The following PIP4K2C variants were observed in gnomAD, a reference collection of about 807,000 sequenced individuals.
PIP4K2C encodes phosphatidylinositol 5-phosphate 4-kinase type-2 gamma.
PIP4K2C carries 21 observed loss-of-function variants against 45.0 expected under a neutral mutation model. That is an observed-to-expected ratio of 0.47 (90% CI 0.33 to 0.67). The LOEUF is 0.67. PIP4K2C is among the 30% of genes least tolerant of loss of function. The probability of loss-of-function intolerance (pLI) is 0.02; values close to 1 mark genes in which losing one functional copy is unlikely to be tolerated. For missense variants in PIP4K2C, 456 were observed against 542.8 expected (o/e 0.84, Z 1.59); for synonymous variants, 201 against 204.8 (o/e 0.98, Z 0.16).
At position 57,592,166 on chromosome 12, in the gene PIP4K2C, C is replaced by T. The variant is rs554899336; in HGVS notation, c.174+703C>T. ...TGGCGATTGTTGACCAAAGAGAAGG[C>T]TGAGGGGCTCTGTTCCTGAGGTCAC... On this transcript the variant is annotated intron_variant, in intron 1 of 9. Transcript: ENST00000354947. 1.9e-4 allele frequency among the ~76,000 whole-genome samples: 29 copies of T among 152,272 alleles called. No individual in the cohort carries two copies. The South Asian group carries it at 5.8e-3, about 31-fold the overall frequency.
rs1485524294 is a variant in PIP4K2C at position 57,602,898 on chromosome 12, C to T, written c.*1292C>T. On this transcript the variant is annotated 3_prime_UTR_variant, in exon 10 of 10. Transcript: ENST00000354947. ...CATTGTCTTCCTCTCCCTACAATGC[C>T]TCTGGGGCCAAGGCACCCATTCTTC... is the stretch of plus-strand genomic sequence containing the variant. The T allele has an allele frequency of 6.6e-6, 1 of 152,448 alleles. No individual in the cohort carries two copies. Among genetic ancestry groups the T allele is most frequent in the African/African-American group, 2.4e-5 (1 of 41,390 alleles). 9.4% of individuals were successfully genotyped at this position (152,448 alleles called of 1,614,324 possible).
intron 1 of PIP4K2C, among the ~76,000 whole-genome samples, chr12:57,591,981 C>T (rs1882982541): frequency 6.6e-6 from 1 of 152,204 alleles, no homozygotes; most frequent in Non-Finnish European, 1.5e-5. Context: ...GCTTTCTAAT[C>T]CTGCTTGTCC....
chr12:57,600,660 T>C (rs963038697), intron 7 of PIP4K2C, 151 bp from the exon 8 acceptor site: 48 of 959,018 alleles, frequency 5.0e-5, no homozygotes, highest in African/African-American at 4.1e-4. Context: ...CTAGGACATA[T>C]AGGCACTAAA....
intron 4 of PIP4K2C, among the ~76,000 whole-genome samples, chr12:57,596,842 C>T (rs892022977): frequency 1.1e-4 from 17 of 152,128 alleles, no homozygotes; most frequent in African/African-American, 3.4e-4. Flanking sequence ...GAAGAGCATC[C>T]GAACTCACCT....
chr12:57,598,085 T>G (rs1326493422), intron 4 of PIP4K2C: 1 of 152,186 alleles, frequency 6.6e-6, no homozygotes, highest in Admixed American at 6.5e-5. Context: ...GGAGTAATTT[T>G]TGTTTTTTAG....
chr12:57,600,713 C>T lies in PIP4K2C; in HGVS notation c.814-98C>T. ...CAACCTCAATTTTTATACTTCCTTT[C>T]CCCAGAAGGGCCCCAGAAATTCAAA... On this transcript the variant is annotated intron_variant, in intron 7 of 9. Transcript: ENST00000354947. 2.7e-6 allele frequency: 4 copies of T among 1,477,502 alleles called. No individual in the cohort carries two copies. In the South Asian group the frequency reaches 5.0e-5, roughly 18 times the overall value. The allele number at this position is 1,477,502 out of a possible 1,614,324, so 91.5% of individuals were successfully genotyped here.
chr12:57,593,968 T>C (rs1883082519), intron 1 of PIP4K2C, 57 bp from the exon 2 acceptor site: 1 of 1,329,814 alleles, frequency 7.5e-7, no homozygotes, highest in Non-Finnish European at 1.1e-6. Flanking sequence ...ACACAGTGTA[T>C]GGGTAGCTCT....
chr12:57,598,396 C>T (rs922886938), intron 4 of PIP4K2C, among the ~76,000 whole-genome samples: 5 of 152,016 alleles, frequency 3.3e-5, no homozygotes, highest in African/African-American at 9.7e-5. Context: ...TGGTGTGCGC[C>T]TGTACTCCCA....
At position 57,600,799 on chromosome 12, in the gene PIP4K2C, A is replaced by C. The variant is rs761294261; in HGVS notation, c.814-12A>C. The C allele has an allele frequency of 1.9e-6, 3 of 1,613,672 alleles. No individual in the cohort carries two copies. In the African/African-American group the frequency reaches 4.0e-5, roughly 22 times the overall value. On this transcript the variant is annotated splice_polypyrimidine_tract_variant and intron_variant, in intron 7 of 9. Coordinates refer to ENST00000354947, the MANE Select transcript of PIP4K2C (RefSeq NM_024779.5). Reference sequence around the variant, plus strand: ...GTGAGAGAGAGGTGTCTGATTTGTCAGTGGGTCTCAGTTTCTAGTGCAGCT... The same window carrying C: ...GTGAGAGAGAGGTGTCTGATTTGTCCGTGGGTCTCAGTTTCTAGTGCAGCT...
chr12:57,593,471 G>A (rs2140182700), intron 1 of PIP4K2C, among the ~76,000 whole-genome samples: 2 of 152,038 alleles, frequency 1.3e-5, no homozygotes, highest in Middle Eastern at 6.8e-3. Context: ...CCTTAGACAG[G>A]TGGGGGCCTA....
chr12:57,600,960 G>T lies in PIP4K2C; in HGVS notation c.963G>T (p.Leu321=), dbSNP rs775235. ...GCAGCCTGACTGGACCTCCTGCTCT[G>T]GTGGGCTCCTATGGCACCTCCCCAG... ...GDCSLTGPPA[L]VGSYGTSPEG... The change falls in exon 8 of 10, where the codon CTG becomes CTT. Residue 321 remains leucine (L), a synonymous_variant. Transcript: ENST00000354947. The T allele has an allele frequency of 3.1e-3, 4,963 of 1,614,166 alleles. 97 individuals are homozygous for T. The African/African-American group carries it at 0.053, about 17-fold the overall frequency.
rs765980458 is a variant in PIP4K2C at position 57,595,135 on chromosome 12, G to T, written c.282G>T (p.Leu94=). 6.2e-7 allele frequency: 1 copy of T among 1,602,768 alleles called. No homozygotes were observed. Among genetic ancestry groups the T allele is most frequent in the Admixed American group, 1.7e-5 (1 of 59,962 alleles). ...VNNHLFHREN[L]PSHFKFKEYC... ...AAAACCTGAATTTCAGGGAAAATCTGCCCAGTCATTTCAAGTTCAAGGAGT... is the reference window on the plus strand; with the variant it reads ...AAAACCTGAATTTCAGGGAAAATCTTCCCAGTCATTTCAAGTTCAAGGAGT... The change falls in exon 3 of 10, where the codon CTG becomes CTT. Residue 94 remains leucine, a synonymous_variant. Coordinates refer to ENST00000354947, the MANE Select transcript of PIP4K2C (RefSeq NM_024779.5).
chr12:57,595,658 G>T (rs1015787255), intron 3 of PIP4K2C, among the ~76,000 whole-genome samples: 7 of 146,962 alleles, frequency 4.8e-5, no homozygotes, highest in African/African-American at 1.5e-4. Context: ...AGCTGAGATC[G>T]TACCACTACA....
At chr12:57,592,761 A>C (rs1252244498) in intron 1 of PIP4K2C, among the ~76,000 whole-genome samples, 10 of 152,196 alleles carry the variant, frequency 6.6e-5, no homozygotes, top group African/African-American at 2.4e-4. Flanking sequence ...ACCCTCTGCC[A>C]ACACACATCT....
intron 4 of PIP4K2C, among the ~76,000 whole-genome samples, chr12:57,596,313 C>T (rs1285588557): frequency 6.6e-6 from 1 of 151,942 alleles, no homozygotes; most frequent in Non-Finnish European, 1.5e-5. Flanking sequence ...TGGAGAAACC[C>T]CGTCTCTACT....
In PIP4K2C at chr12:57,594,141, C is replaced by T; in HGVS notation, c.272+19C>T. The T allele has an allele frequency of 6.3e-7, 1 of 1,582,602 alleles. No homozygotes were observed. Among genetic ancestry groups the T allele is most frequent in the Non-Finnish European group, 8.6e-7 (1 of 1,158,540 alleles). ...TCCACAGGTAAGTGATGATCCTTGCCATTCTCATGTCAACCTTCCCAGAAA... is the reference window on the plus strand; with the variant it reads ...TCCACAGGTAAGTGATGATCCTTGCTATTCTCATGTCAACCTTCCCAGAAA... On this transcript the variant is annotated intron_variant, in intron 2 of 9. Coordinates refer to ENST00000354947, the MANE Select transcript of PIP4K2C (RefSeq NM_024779.5).
rs1054089338 is a variant in PIP4K2C at position 57,602,323 on chromosome 12, A to G, written c.*717A>G. 1 of 152,264 alleles carries G rather than the reference A, an allele frequency of 6.6e-6. No individual in the cohort carries two copies. Among genetic ancestry groups the G allele is most frequent in the Non-Finnish European group, 1.5e-5 (1 of 68,100 alleles). The allele number at this position is 152,264 out of a possible 1,614,324, so 9.4% of individuals were successfully genotyped here. On this transcript the variant is annotated 3_prime_UTR_variant, in exon 10 of 10. Coordinates refer to ENST00000354947, the MANE Select transcript of PIP4K2C (RefSeq NM_024779.5). ...CTCAATTCCATCTCCACCCATCTCTACATCTGGGCACAGCAACCCAGAGAT... is the reference window on the plus strand; with the variant it reads ...CTCAATTCCATCTCCACCCATCTCTGCATCTGGGCACAGCAACCCAGAGAT...
intron 3 of PIP4K2C, 95 bp downstream of exon 3, chr12:57,595,317 G>T: frequency 1.2e-6 from 1 of 823,054 alleles, no homozygotes; most frequent in Non-Finnish European, 2.1e-6. Flanking sequence ...GAGAGTCTTG[G>T]CAAATATAAT....
intron 3 of PIP4K2C, among the ~76,000 whole-genome samples, chr12:57,595,431 G>A (rs1883147286): frequency 1.3e-5 from 2 of 152,194 alleles, no homozygotes; most frequent in African/African-American, 2.4e-5. Flanking sequence ...TTGGCCAGGC[G>A]CTGTGGCTCA....
Sources: allele counts gnomAD v4.1 joint callset (sites outside exome capture counted in the v4.1 genomes callset), GRCh38; gene constraint gnomAD v4.1.1; transcripts MANE v1.5; gene names NCBI Gene and HGNC (gene_info 2026-07-23, HGNC 2026-07-21).